Variants in MED27 observed in about 807,000 individuals in gnomAD.
MED27 encodes the protein mediator of RNA polymerase II transcription subunit 27.
MED27 carries 30 observed loss-of-function variants against 38.2 expected under a neutral mutation model. That is an observed-to-expected ratio of 0.79 (90% CI 0.59 to 1.07). MED27 has a LOEUF of 1.07. MED27 is among the 50% of genes least tolerant of loss of function. The pLI is 0.00. For missense variants in MED27, 289 were observed against 397.5 expected (o/e 0.73, Z 2.32); for synonymous variants, 122 against 153.5 (o/e 0.79, Z 1.52).
At chr9:131,983,923 G>A (rs1161397285) in intron 3 of MED27, among the ~76,000 whole-genome samples, 1 of 152,154 alleles carries the variant, frequency 6.6e-6, no homozygotes, top group Non-Finnish European at 1.5e-5. Flanking sequence ...CATATCAGGT[G>A]AAATTCCTCA....
chr9:131,900,409 T>C (rs937015020), intron 4 of MED27, among the ~76,000 whole-genome samples: 1 of 152,224 alleles, frequency 6.6e-6, no homozygotes, highest in Non-Finnish European at 1.5e-5. Context: ...AAAAAGTATT[T>C]AGTTCAGCTC....
chr9:131,906,539 G>C (rs2062046589), intron 4 of MED27, among the ~76,000 whole-genome samples: 1 of 152,224 alleles, frequency 6.6e-6, no homozygotes, highest in South Asian at 2.1e-4. Context: ...GGGTGAAATG[G>C]AAAGCTACTG....
chr9:132,036,742 T>C (rs2131111847), intron 2 of MED27, among the ~76,000 whole-genome samples: 1 of 152,330 alleles, frequency 6.6e-6, no homozygotes, highest in East Asian at 1.9e-4. Context: ...ACTCAGTCTA[T>C]TTCCAGGTAC....
At chr9:131,931,544 C>T (rs1178389647) in intron 4 of MED27, among the ~76,000 whole-genome samples, 1 of 152,082 alleles carries the variant, frequency 6.6e-6, no homozygotes, top group Non-Finnish European at 1.5e-5. Context: ...TAAGTAAACT[C>T]TCCAATCAAA....
At chr9:132,048,296 A>C (rs1202354067) in intron 2 of MED27, among the ~76,000 whole-genome samples, 1 of 152,206 alleles carries the variant, frequency 6.6e-6, no homozygotes, top group Non-Finnish European at 1.5e-5. Flanking sequence ...ATGTTTCTTG[A>C]ATGCAGGAAT....
At position 131,866,411 on chromosome 9, in the gene MED27, G is replaced by T. The variant is rs910556124; in HGVS notation, c.724-3271C>A. On this transcript the variant is annotated intron_variant, in intron 6 of 7. Coordinates refer to ENST00000292035, the MANE Select transcript of MED27 (RefSeq NM_004269.4). ...CCAGCATTTTTGCTAAATGGCCTTTGACCCAGAGGCCTGAGCCAGAAACCT... is the reference window on the plus strand; with the variant it reads ...CCAGCATTTTTGCTAAATGGCCTTTTACCCAGAGGCCTGAGCCAGAAACCT... Among the ~76,000 whole-genome samples the T allele has an allele frequency of 3.9e-5, 6 of 152,234 alleles. No individual in the cohort carries two copies. The East Asian group carries it at 1.2e-3, about 29-fold the overall frequency.
At chr9:132,023,078 G>C (rs536384607) in intron 2 of MED27, among the ~76,000 whole-genome samples, 57 of 152,272 alleles carry the variant, frequency 3.7e-4, no homozygotes, top group African/African-American at 1.3e-3. Flanking sequence ...GCCCTAATAG[G>C]CACTTGAGCA....
chr9:132,011,539 C>T (rs575488911), intron 3 of MED27, among the ~76,000 whole-genome samples: 11 of 152,322 alleles, frequency 7.2e-5, no homozygotes, highest in African/African-American at 2.4e-4. Context: ...CAGTGGCTCA[C>T]ATCTATAATC....
rs1162462713 is a variant in MED27 at position 132,031,602 on chromosome 9, T to TA, written c.349-17136dup. On this transcript the variant is annotated intron_variant, in intron 2 of 7. Transcript: ENST00000292035. ...TGGGAGATCACTTGAGCCCAGGAGT[T>TA]ACAGTCCAGCCTGACCCCTCCTCTA... is the stretch of plus-strand genomic sequence containing the variant. Among the ~76,000 whole-genome samples the TA allele has an allele frequency of 2.0e-5, 3 of 152,044 alleles. No individual in the cohort carries two copies. In the East Asian group the frequency reaches 5.8e-4, roughly 29 times the overall value.
At chr9:131,878,532 C>T (rs1838978002) in intron 6 of MED27, among the ~76,000 whole-genome samples, 2 of 152,090 alleles carry the variant, frequency 1.3e-5, no homozygotes, top group Non-Finnish European at 1.5e-5. Context: ...GAGAAAGCTG[C>T]AAAGTGTGTG....
At chr9:132,045,279 G>A (rs1470072797) in intron 2 of MED27, among the ~76,000 whole-genome samples, 6 of 152,020 alleles carry the variant, frequency 3.9e-5, no homozygotes, top group Admixed American at 1.3e-4. Context: ...CATATCTATC[G>A]ATACAAGAAA....
rs762000054 is a variant in MED27, at chr9:131,889,552, G to T, written c.681+4333C>A. Among the ~76,000 whole-genome samples, 3 of 152,270 alleles carry T rather than the reference G, an allele frequency of 2.0e-5. No individual in the cohort carries two copies. Among genetic ancestry groups the T allele is most frequent in the South Asian group, 4.1e-4 (2 of 4,830 alleles). On this transcript the variant is annotated intron_variant, in intron 5 of 7. Transcript: ENST00000292035. The surrounding 1 kb of genome is among the most constrained non-coding windows in gnomAD (Gnocchi z 4.2). ...GAAAAGCATTTTTATTTTATTAGAG[G>T]AATCAGGCTATTGGTCCTTGGTATC...
chr9:132,071,992 C>T lies in MED27; in HGVS notation c.348+5450G>A, dbSNP rs141799417. Among the ~76,000 whole-genome samples, 55 of 152,180 alleles carry T rather than the reference C, an allele frequency of 3.6e-4. No individual in the cohort carries two copies. The South Asian group carries it at 5.8e-3, about 16-fold the overall frequency. Reference sequence around the variant, plus strand: ...AGTACACAGGCACAGAAGTAACGCACGCCTCATAAATGAGCACACACGTGT... The same window carrying T: ...AGTACACAGGCACAGAAGTAACGCATGCCTCATAAATGAGCACACACGTGT... On this transcript the variant is annotated intron_variant, in intron 2 of 7. Coordinates refer to ENST00000292035, the MANE Select transcript of MED27 (RefSeq NM_004269.4).
intron 5 of MED27, among the ~76,000 whole-genome samples, chr9:131,884,656 G>T (rs572466882): frequency 2.8e-4 from 40 of 144,340 alleles, no homozygotes; most frequent in Non-Finnish European, 5.2e-4. Context: ...CACCCAGGCT[G>T]GAGTGCAGTG....
At chr9:132,014,284 A>G (rs1376028393) in intron 3 of MED27, 53 bp downstream of exon 3, 8 of 1,546,236 alleles carry the variant, frequency 5.2e-6, no homozygotes, top group South Asian at 1.2e-5. Context: ...AAACAAGTAT[A>G]AAGTAAAAAA....
chr9:132,014,247 A>G, intron 3 of MED27, 90 bp downstream of exon 3: 1 of 1,379,476 alleles, frequency 7.2e-7, no homozygotes, highest in East Asian at 2.4e-5. Flanking sequence ...GGAATTTTGA[A>G]GAAAACAGTA....
intron 4 of MED27, among the ~76,000 whole-genome samples, chr9:131,901,536 C>T (rs768968844): frequency 1.8e-4 from 28 of 152,070 alleles, no homozygotes; most frequent in Non-Finnish European, 2.9e-4. Context: ...GCTTGAGGAA[C>T]GGAGGGAGGA....
At chr9:132,067,701 A>C (rs1368238443) in intron 2 of MED27, among the ~76,000 whole-genome samples, 2 of 151,588 alleles carry the variant, frequency 1.3e-5, no homozygotes, top group African/African-American at 4.9e-5. Context: ...AATTTAGCAA[A>C]ATGTTCTTTT....
intron 3 of MED27, among the ~76,000 whole-genome samples, chr9:131,948,629 A>T (rs1261575755): frequency 6.6e-6 from 1 of 152,194 alleles, no homozygotes. Flanking sequence ...AAATTTCCAC[A>T]CCATCTCTCA....
Sources: gnomAD v4.1 joint callset for allele counts (sites outside exome capture counted in the v4.1 genomes callset) on GRCh38, gnomAD v4.1.1 for gene constraint, Gnocchi (gnomAD v3.1) non-coding constraint, MANE v1.5 for transcripts, NCBI Gene and HGNC (gene_info 2026-07-23, HGNC 2026-07-21) for gene names.